The following RALYL variants were observed in gnomAD, a reference collection of about 807,000 sequenced individuals.
RALYL encodes the protein RNA-binding Raly-like protein.
RALYL carries 29 observed loss-of-function variants against 35.1 expected under a neutral mutation model. The observed-to-expected ratio is 0.83, with a 90% confidence interval of 0.61 to 1.13. RALYL has a LOEUF of 1.13. Among genes scored for constraint, RALYL ranks in the 50% most tolerant of loss-of-function variants. RALYL has a pLI of 0.00. For missense variants in RALYL, 359 were observed against 360.4 expected, an observed-to-expected ratio of 1.00 and a Z score of 0.03; for synonymous variants, 120 against 127.6, an observed-to-expected ratio of 0.94 and a Z score of 0.40.
intron 1 of RALYL, among the ~76,000 whole-genome samples, chr8:84,336,001 A>G (rs1442912857): frequency 6.6e-6 from 1 of 152,164 alleles, no homozygotes; most frequent in African/African-American, 2.4e-5. Context: ...GAGCAGGACT[A>G]AATCTAATAA....
intron 4 of RALYL, among the ~76,000 whole-genome samples, chr8:84,836,652 T>G (rs1271299651): frequency 6.6e-6 from 1 of 152,164 alleles, no homozygotes; most frequent in Admixed American, 6.5e-5. Context: ...AATATTAGAT[T>G]GGCAAAGTTT....
chr8:84,239,815 T>C (rs1345157076), intron 1 of RALYL, among the ~76,000 whole-genome samples: 2 of 151,992 alleles, frequency 1.3e-5, no homozygotes, highest in Non-Finnish European at 1.5e-5. Context: ...CGCTGGAATC[T>C]GGGAGGCAGA....
chr8:84,426,473 T>TGG (rs1554662559), intron 1 of RALYL, among the ~76,000 whole-genome samples: 11 of 149,144 alleles, frequency 7.4e-5, no homozygotes, highest in South Asian at 2.3e-4. Context: ...TGTGTGTGTG[T>TGG]GGGTTTAGAT....
At chr8:84,676,642 G>C (rs1023408186) in intron 2 of RALYL, among the ~76,000 whole-genome samples, 2 of 152,130 alleles carry the variant, frequency 1.3e-5, no homozygotes, top group Non-Finnish European at 2.9e-5. Context: ...TGGATTTCAA[G>C]AAGCTATATA....
At chr8:84,614,902 C>T (rs147155570) in intron 2 of RALYL, among the ~76,000 whole-genome samples, 6 of 150,822 alleles carry the variant, frequency 4.0e-5, no homozygotes, top group Admixed American at 2.0e-4. Context: ...GGATATGGTA[C>T]AGGCACTGTA....
intron 1 of RALYL, among the ~76,000 whole-genome samples, chr8:84,405,694 G>T (rs2043404178): frequency 6.6e-6 from 1 of 151,964 alleles, no homozygotes; most frequent in Non-Finnish European, 1.5e-5. Flanking sequence ...TTTAACAAGA[G>T]AATAGAATTG....
chr8:84,689,438 T>TG (rs1237588444), intron 2 of RALYL, among the ~76,000 whole-genome samples: 1 of 152,220 alleles, frequency 6.6e-6, no homozygotes, highest in Non-Finnish European at 1.5e-5. Flanking sequence ...TAGTATTCCA[T>TG]GGGGTATATG....
At chr8:84,265,418 G>T (rs1363624444) in intron 1 of RALYL, among the ~76,000 whole-genome samples, 1 of 152,168 alleles carries the variant, frequency 6.6e-6, no homozygotes, top group Non-Finnish European at 1.5e-5. Context: ...CTTTCTAGAT[G>T]CAGGAAAGGG....
At chr8:84,686,265 T>C (rs950754809) in intron 2 of RALYL, among the ~76,000 whole-genome samples, 3 of 152,076 alleles carry the variant, frequency 2.0e-5, no homozygotes, top group Non-Finnish European at 4.4e-5. Flanking sequence ...CATGAAAAGC[T>C]ATATATCAGC....
At chr8:84,224,666 T>C (rs891183292) in intron 1 of RALYL, among the ~76,000 whole-genome samples, 2 of 151,938 alleles carry the variant, frequency 1.3e-5, no homozygotes, top group Non-Finnish European at 2.9e-5. Context: ...TATTACTTTT[T>C]TTTTTTTTGA....
In RALYL at chr8:84,243,964, G is replaced by T. The variant is rs559915666; in HGVS notation, c.-24+59540G>T. On this transcript the variant is annotated intron_variant, in intron 1 of 8. Transcript: ENST00000521268. ...ATTATTCTAAGACCTTTCCATCAAT[G>T]TAAATGAATATAGGTTTCTTACTTG... Among the ~76,000 whole-genome samples the T allele has an allele frequency of 2.0e-5, 3 of 152,168 alleles. No individual in the cohort carries two copies. In the East Asian group the frequency reaches 5.8e-4, roughly 29 times the overall value.
intron 2 of RALYL, among the ~76,000 whole-genome samples, chr8:84,626,516 T>C (rs1822766362): frequency 6.6e-6 from 1 of 152,216 alleles, no homozygotes; most frequent in Admixed American, 6.5e-5. Context: ...TTTCAGAATA[T>C]TCCTCTAAAA....
chr8:84,419,845 T>G (rs1587014285), intron 1 of RALYL, among the ~76,000 whole-genome samples: 1 of 151,750 alleles, frequency 6.6e-6, no homozygotes, highest in Non-Finnish European at 1.5e-5. Flanking sequence ...GATTTCCAAT[T>G]TCATCCATGT....
At chr8:84,845,891 G>T (rs545778643) in intron 4 of RALYL, among the ~76,000 whole-genome samples, 46 of 152,216 alleles carry the variant, frequency 3.0e-4, no homozygotes, top group African/African-American at 1.1e-3. Context: ...CTATTGACTA[G>T]GGAGTCCTTT....
chr8:84,764,002 A>G (rs1470656275), intron 2 of RALYL, among the ~76,000 whole-genome samples: 1 of 139,286 alleles, frequency 7.2e-6, no homozygotes, highest in Non-Finnish European at 1.6e-5. Context: ...ACAAACAAAC[A>G]AAAGAACAGA....
chr8:84,540,165 G>A (rs1301087352), intron 2 of RALYL, among the ~76,000 whole-genome samples: 1 of 151,544 alleles, frequency 6.6e-6, no homozygotes, highest in East Asian at 1.9e-4. Flanking sequence ...GCAAAAAATT[G>A]AGTTTTATTT....
chr8:84,776,358 A>G (rs372406989), intron 3 of RALYL, among the ~76,000 whole-genome samples: 27 of 152,156 alleles, frequency 1.8e-4, no homozygotes, highest in East Asian at 5.8e-4. Flanking sequence ...ATACATCATA[A>G]TTTCTCTTAT....
intron 1 of RALYL, among the ~76,000 whole-genome samples, chr8:84,501,858 T>G (rs1230229879): frequency 6.7e-6 from 1 of 150,318 alleles, no homozygotes. Flanking sequence ...AGCCTATATA[T>G]AATATCATAT....
intron 2 of RALYL, among the ~76,000 whole-genome samples, chr8:84,549,553 C>T (rs2060580800): frequency 6.6e-6 from 1 of 152,154 alleles, no homozygotes; most frequent in South Asian, 2.1e-4. Context: ...AAATGTTTTG[C>T]CTCTCCCCTG....
Sources: gnomAD v4.1 joint callset for allele counts (sites outside exome capture counted in the v4.1 genomes callset) on GRCh38, gnomAD v4.1.1 for gene constraint, MANE v1.5 for transcripts, NCBI Gene and HGNC (gene_info 2026-07-23, HGNC 2026-07-21) for gene names.